The following WDR27 variants were observed in gnomAD, a reference collection of about 807,000 sequenced individuals.
WDR27 encodes WD repeat domain 27, also known as WD repeat-containing protein 27.
Under a neutral mutation model 114.4 loss-of-function variants are expected in WDR27, and 100 were observed. That is an observed-to-expected ratio of 0.87 (90% CI 0.74 to 1.03). The LOEUF (loss-of-function observed/expected upper bound fraction) is 1.03, where lower values mean the gene tolerates loss of function less well. Ranked by LOEUF, WDR27 falls within the 50% of genes least tolerant of loss-of-function variation. The probability of loss-of-function intolerance (pLI) is 0.00; values close to 1 mark genes in which losing one functional copy is unlikely to be tolerated. For missense variants in WDR27, 1,129 were observed against 1,092.9 expected (o/e 1.03, Z -0.47); for synonymous variants, 449 against 423.1 (o/e 1.06, Z -0.75).
At chr6:169,696,289 T>C (rs948167627) in intron 1 of WDR27, among the ~76,000 whole-genome samples, 3 of 152,154 alleles carry the variant, frequency 2.0e-5, no homozygotes, top group Non-Finnish European at 4.4e-5. Flanking sequence ...AGGGTTGAGA[T>C]GGTGCTAGGA....
At chr6:169,471,310 A>G (rs1025462316) in intron 25 of WDR27, among the ~76,000 whole-genome samples, 2 of 152,116 alleles carry the variant, frequency 1.3e-5, no homozygotes, top group African/African-American at 4.8e-5. Flanking sequence ...ACAGCCAATC[A>G]TCATCTCCCA....
chr6:169,681,793 C>T (rs79973221), intron 2 of WDR27, among the ~76,000 whole-genome samples: 2,570 of 152,280 alleles, frequency 0.017, 72 homozygotes, highest in African/African-American at 0.057. Flanking sequence ...CTGGCAGGCT[C>T]GCCACACTTC....
intron 7 of WDR27, chr6:169,664,506 C>T: frequency 7.1e-7 from 1 of 1,401,146 alleles, no homozygotes; most frequent in Non-Finnish European, 9.3e-7. Flanking sequence ...GCTGGCACAT[C>T]AGCTCAGGGC....
intron 25 of WDR27, 119 bp from the exon 26 acceptor site, chr6:169,457,753 G>A: frequency 2.9e-6 from 2 of 678,954 alleles, no homozygotes; most frequent in Non-Finnish European, 5.0e-6. Context: ...GGAACATCGA[G>A]TAAAATACAT....
Position 169,665,145 on chromosome 6 carries a change from C to T in WDR27, c.783+341G>A, listed in dbSNP as rs533292521. 4.8e-6 allele frequency: 5 copies of T among 1,032,088 alleles called. 1 individual carries two copies. In the Middle Eastern group the frequency reaches 1.4e-3, roughly 294 times the overall value. 63.9% of individuals were successfully genotyped at this position (1,032,088 alleles called of 1,614,324 possible). ...AGCCGTCCAGGGCGCCTCTCCGGGG[C>T]GCGGGCAGCACCCGTGGGAGCGGGG... On this transcript the variant is annotated intron_variant, in intron 7 of 25. Coordinates refer to ENST00000448612, the MANE Select transcript of WDR27 (RefSeq NM_182552.5).
chr6:169,646,548 G>T (rs1313670440), intron 16 of WDR27, among the ~76,000 whole-genome samples: 3 of 152,158 alleles, frequency 2.0e-5, no homozygotes, highest in Non-Finnish European at 4.4e-5. Flanking sequence ...GGAGTTTTGA[G>T]GCCAGCGTGG....
chr6:169,652,318 G>A lies in WDR27; in HGVS notation c.1403-310C>T, dbSNP rs140283288. On this transcript the variant is annotated intron_variant, in intron 13 of 25. Transcript: ENST00000448612. ...GGCTGGACTGCAGTGGTGCAAGCTC[G>A]GCTCACTGCAACCTCCACCTCCCAT... is the stretch of plus-strand genomic sequence containing the variant. 2.6e-3 allele frequency among the ~76,000 whole-genome samples: 401 copies of A among 152,292 alleles called. 2 individuals are homozygous for A. The highest frequency in any genetic ancestry group is 9.2e-3 in the African/African-American group (382 of 41,560).
In WDR27 at chr6:169,658,354, A is replaced by G; in HGVS notation, c.1324T>C (p.Cys442Arg). The G allele has an allele frequency of 6.3e-7, 1 of 1,591,370 alleles. No individual in the cohort carries two copies. Among genetic ancestry groups the G allele is most frequent in the Non-Finnish European group, 8.6e-7 (1 of 1,168,828 alleles). The change falls in exon 13 of 26, where the codon TGT becomes CGT. Residue 442 changes from cysteine to arginine, a missense_variant. Cys to Arg is a radical substitution (Grantham distance 180). Coordinates refer to ENST00000448612, the MANE Select transcript of WDR27 (RefSeq NM_182552.5). ...TACAGTGGAGAGGTCGGTAGGACAC[A>G]GGAGCTGAAACAGAAACAAGCCCCA... ...GQSLSVPASS[C>R]VLPTSPLYLG...
At chr6:169,486,476 T>C (rs923435670) in intron 25 of WDR27, among the ~76,000 whole-genome samples, 1 of 151,722 alleles carries the variant, frequency 6.6e-6, no homozygotes, top group Non-Finnish European at 1.5e-5. Context: ...GAGGCAGGGT[T>C]ATTTATATTT....
At chr6:169,607,375 AG>A (rs1809424133) in intron 22 of WDR27, among the ~76,000 whole-genome samples, 1 of 149,872 alleles carries the variant, frequency 6.7e-6, no homozygotes, top group Non-Finnish European at 1.5e-5. Context: ...AAGAAAATGT[AG>A]TATACTTGTG....
intron 1 of WDR27, among the ~76,000 whole-genome samples, chr6:169,696,543 C>T (rs535866417): frequency 1.4e-4 from 22 of 152,324 alleles, no homozygotes; most frequent in Middle Eastern, 3.4e-3. Flanking sequence ...AGAGAGCCCA[C>T]GGTCATAGGA....
At chr6:169,690,136 G>A (rs1030598833) in intron 1 of WDR27, among the ~76,000 whole-genome samples, 1 of 151,376 alleles carries the variant, frequency 6.6e-6, no homozygotes, top group Non-Finnish European at 1.5e-5. Flanking sequence ...CCCTCATGCT[G>A]GTCATGTGGA....
At position 169,578,064 on chromosome 6, in the gene WDR27, ATG is replaced by A. The variant is rs1211355506; in HGVS notation, c.2523+4770_2523+4771del. On this transcript the variant is annotated intron_variant, in intron 24 of 25. Transcript: ENST00000448612. ...CCTATTCTGGAAACGCGTTTCTCTA[ATG>A]TGTGTTTTATCCTCCTACTGGGAGG... Among the ~76,000 whole-genome samples, 10 of 152,198 alleles carry A rather than the reference ATG, an allele frequency of 6.6e-5. No individual in the cohort carries two copies. The South Asian group carries it at 1.0e-3, about 16-fold the overall frequency.
In WDR27 at chr6:169,644,072, T is replaced by G. The variant is rs576686245; in HGVS notation, c.1658-286A>C. ...TTCATACGAGTCACACTGTCGAAAA[T>G]CCTAGTTCACAGGAGTCACACTGTC... On this transcript the variant is annotated intron_variant, in intron 16 of 25. Coordinates refer to ENST00000448612, the MANE Select transcript of WDR27 (RefSeq NM_182552.5). 7.5e-4 allele frequency among the ~76,000 whole-genome samples: 81 copies of G among 108,342 alleles called. 1 individual carries two copies. Among genetic ancestry groups the G allele is most frequent in the African/African-American group, 1.7e-3 (46 of 27,068 alleles). 71.1% of individuals were successfully genotyped at this position (108,342 alleles called of 152,430 possible).
intron 1 of WDR27, among the ~76,000 whole-genome samples, chr6:169,697,376 C>A (rs917560912): frequency 1.3e-5 from 2 of 152,100 alleles, no homozygotes; most frequent in Non-Finnish European, 2.9e-5. Flanking sequence ...CGAGGTCTAG[C>A]GGTAGCCTCA....
chr6:169,594,886 T>C (rs1806466349), intron 23 of WDR27, among the ~76,000 whole-genome samples: 1 of 152,200 alleles, frequency 6.6e-6, no homozygotes, highest in African/African-American at 2.4e-5. Context: ...TCCTTAAACA[T>C]TGATATGAGC....
At chr6:169,487,426 G>C (rs1199006468) in intron 25 of WDR27, among the ~76,000 whole-genome samples, 1 of 152,116 alleles carries the variant, frequency 6.6e-6, no homozygotes, top group Non-Finnish European at 1.5e-5. Context: ...GGAGTGTCAG[G>C]AAACAGAAGG....
rs1252464047 is a variant in WDR27, at chr6:169,654,805, CAGG to C, written c.1403-2800_1403-2798del. 5.3e-5 allele frequency among the ~76,000 whole-genome samples: 8 copies of C among 151,498 alleles called. No homozygotes were observed. The East Asian group carries it at 9.7e-4, about 18-fold the overall frequency. On this transcript the variant is annotated intron_variant, in intron 13 of 25. Coordinates refer to ENST00000448612, the MANE Select transcript of WDR27 (RefSeq NM_182552.5). ...CGCGTTCAGGAGACGGAGGCGCGCT[CAGG>C]AGGAGGAGGGGCGCTCAGAAGGAGG...
At chr6:169,665,450 T>C (rs534441399) in intron 7 of WDR27, 36 bp downstream of exon 7, 1 of 1,599,356 alleles carries the variant, frequency 6.3e-7, no homozygotes, top group Admixed American at 1.8e-5. Context: ...TTCAGGCATG[T>C]CTGGGAACTG....
Sources: allele counts gnomAD v4.1 joint callset (sites outside exome capture counted in the v4.1 genomes callset), GRCh38; gene constraint gnomAD v4.1.1; transcripts MANE v1.5; gene names NCBI Gene and HGNC (gene_info 2026-07-23, HGNC 2026-07-21).